Variants in DACH2 observed in about 807,000 individuals in gnomAD.
DACH2 encodes the protein dachshund homolog 2.
Under a neutral mutation model 35.8 loss-of-function variants are expected in DACH2, and 17 were observed. The ratio of observed to expected loss-of-function variants is 0.48; its 90% confidence interval spans 0.33 to 0.71. The LOEUF is 0.71. Among genes scored for constraint, DACH2 ranks in the 30% least tolerant of loss-of-function variants. DACH2 has a pLI of 0.02. For missense variants in DACH2, 469 were observed against 472.7 expected, an observed-to-expected ratio of 0.99 and a Z score of 0.07; for synonymous variants, 195 against 177.3, an observed-to-expected ratio of 1.10 and a Z score of -0.79.
Position 86,611,039 on chromosome X carries a change from C to T in DACH2, c.641-39997C>T, listed in dbSNP as rs906281348. Among the ~76,000 whole-genome samples, 31 of 111,106 alleles carry T rather than the reference C, an allele frequency of 2.8e-4. 1 individual carries two copies. The highest frequency in any genetic ancestry group is 8.8e-4 in the African/African-American group (27 of 30,513). The stretch of plus-strand genomic sequence containing the variant: ...TATGTTGGGTCTCACCTGAAGCCAG[C>T]ACACTACAGAGTCTCACCCAAGGCC... On this transcript the variant is annotated intron_variant, in intron 3 of 11. Coordinates refer to ENST00000373125, the MANE Select transcript of DACH2 (RefSeq NM_053281.3).
chrX:86,286,454 G>T (rs1602357732), intron 1 of DACH2, among the ~76,000 whole-genome samples: 1 of 110,711 alleles, frequency 9.0e-6, no homozygotes, highest in Admixed American at 9.7e-5. Context: ...TACATTCATT[G>T]TTATTATTGT....
At chrX:86,490,378 C>A (rs960435338) in intron 2 of DACH2, among the ~76,000 whole-genome samples, 1 of 111,465 alleles carries the variant, frequency 9.0e-6, no homozygotes, top group African/African-American at 3.3e-5. Context: ...GGGTAAACTT[C>A]CACTACTGAT....
intron 3 of DACH2, among the ~76,000 whole-genome samples, chrX:86,559,799 C>T (rs2039180166): frequency 2.7e-5 from 1 of 36,914 alleles, no homozygotes; most frequent in Non-Finnish European, 4.3e-5. Context: ...CTTGGTAGAT[C>T]TTCCTCCATC....
At chrX:86,566,035 A>T (rs1210050661) in intron 3 of DACH2, among the ~76,000 whole-genome samples, 1 of 111,830 alleles carries the variant, frequency 8.9e-6, no homozygotes, top group East Asian at 2.8e-4. Context: ...TTTAGCTAAC[A>T]CTGTGTGTTA....
At chrX:86,493,664 T>G (rs1210755971) in intron 2 of DACH2, among the ~76,000 whole-genome samples, 1 of 111,566 alleles carries the variant, frequency 9.0e-6, no homozygotes, top group Non-Finnish European at 1.9e-5. Context: ...ACTTCCAATT[T>G]ACAGATTAGG....
intron 2 of DACH2, among the ~76,000 whole-genome samples, chrX:86,436,263 G>A (rs1223411075): frequency 9.1e-6 from 1 of 110,395 alleles, no homozygotes; most frequent in Non-Finnish European, 1.9e-5. Flanking sequence ...AAACTCTTCA[G>A]TAGTGTTCCA....
chrX:86,522,937 G>T (rs2038578475), intron 3 of DACH2, among the ~76,000 whole-genome samples: 1 of 111,780 alleles, frequency 8.9e-6, no homozygotes, highest in African/African-American at 3.2e-5. Flanking sequence ...TTTCCCAAAA[G>T]ATGATGGCTT....
At chrX:86,406,717 G>A (rs183728020) in intron 2 of DACH2, among the ~76,000 whole-genome samples, 24 of 112,099 alleles carry the variant, frequency 2.1e-4, no homozygotes, top group African/African-American at 5.8e-4. Flanking sequence ...TTTGAACTGA[G>A]TGCTGGAAAA....
intron 7 of DACH2, among the ~76,000 whole-genome samples, chrX:86,795,613 G>A (rs2042229035): frequency 8.9e-6 from 1 of 112,516 alleles, no homozygotes; most frequent in Non-Finnish European, 1.9e-5. Context: ...ATGATACTGC[G>A]TCTGGAATTT....
rs1057078823 is a variant in DACH2, at chrX:86,253,602, G to A, written c.488+104494G>A. Reference sequence around the variant, plus strand: ...ATTTTTGACAGAAGGCCTAAATAATGATTTTTATGTCTTCAGGTCAGAAAT... The same window carrying A: ...ATTTTTGACAGAAGGCCTAAATAATAATTTTTATGTCTTCAGGTCAGAAAT... On this transcript the variant is annotated intron_variant, in intron 1 of 11. Transcript: ENST00000373125. 3.6e-5 allele frequency among the ~76,000 whole-genome samples: 4 copies of A among 111,912 alleles called. No homozygotes were observed. In the Admixed American group the frequency reaches 3.8e-4, roughly 11 times the overall value.
At chrX:86,541,393 G>A (rs768311279) in intron 3 of DACH2, among the ~76,000 whole-genome samples, 2 of 110,392 alleles carry the variant, frequency 1.8e-5, no homozygotes, top group South Asian at 7.6e-4. Flanking sequence ...TGTCTAGCAC[G>A]GTATATTTCC....
chrX:86,676,887 C>A (rs1301686760), intron 4 of DACH2, among the ~76,000 whole-genome samples: 1 of 110,949 alleles, frequency 9.0e-6, no homozygotes, highest in Admixed American at 9.7e-5. Context: ...CATCCATCAC[C>A]CCACACTAGA....
At chrX:86,505,157 G>T (rs971321277) in intron 2 of DACH2, among the ~76,000 whole-genome samples, 6 of 111,415 alleles carry the variant, frequency 5.4e-5, no homozygotes, top group African/African-American at 2.0e-4. Context: ...ACTTCATGAT[G>T]TATCCCTCTA....
intron 3 of DACH2, among the ~76,000 whole-genome samples, chrX:86,562,948 C>A (rs907281455): frequency 3.6e-5 from 4 of 111,175 alleles, no homozygotes; most frequent in Non-Finnish European, 5.7e-5. Flanking sequence ...ATAAACATTT[C>A]TCTTTATATT....
At chrX:86,221,249 T>A (rs1042672637) in intron 1 of DACH2, among the ~76,000 whole-genome samples, 4 of 111,907 alleles carry the variant, frequency 3.6e-5, no homozygotes, top group Non-Finnish European at 5.6e-5. Flanking sequence ...TGATGTAAGA[T>A]AAGGATCCAA....
chrX:86,685,123 T>C (rs1416618712), intron 4 of DACH2, among the ~76,000 whole-genome samples: 1 of 111,983 alleles, frequency 8.9e-6, no homozygotes, highest in Non-Finnish European at 1.9e-5. Flanking sequence ...TTTATATCTC[T>C]TCTCCTGTGC....
Position 86,816,060 on chromosome X carries a change from G to T in DACH2, c.1711G>T (p.Glu571Ter). The T allele has an allele frequency of 8.4e-7, 1 of 1,188,427 alleles. No individual in the cohort carries two copies. Among genetic ancestry groups the T allele is most frequent in the South Asian group, 1.9e-5 (1 of 53,502 alleles). Residue 571 changes from glutamate to a stop codon, truncating the protein, a stop_gained, in exon 11 of 12, where the codon GAA becomes TAA. Coordinates refer to ENST00000373125, the MANE Select transcript of DACH2 (RefSeq NM_053281.3). LOFTEE classifies it high-confidence loss of function. ...KDTGIPDIEI[E>*]NNGTPHDSAA... ...TACTGGAATTCCAGATATTGAAATAGAAAACAATGGGACTCCTCATGATAG... is the reference window on the plus strand; with the variant it reads ...TACTGGAATTCCAGATATTGAAATATAAAACAATGGGACTCCTCATGATAG...
chrX:86,336,594 TA>T (rs2035315285), intron 1 of DACH2, among the ~76,000 whole-genome samples: 1 of 111,669 alleles, frequency 9.0e-6, no homozygotes, highest in South Asian at 3.7e-4. Flanking sequence ...AGACCAAATG[TA>T]GATAAATCCA....
rs769286761 is a variant in DACH2, at chrX:86,827,663, T to C, written c.1751-4443T>C. ...GAACATATATAGCACAGCGAAATAC[T>C]ATAAAGTGAGTTTGTGGTTTTCAGT... On this transcript the variant is annotated intron_variant, in intron 11 of 11. Transcript: ENST00000373125. 1.8e-4 allele frequency: 121 copies of C among 669,162 alleles called. No individual in the cohort carries two copies. In the South Asian group the frequency reaches 1.8e-3, roughly 10 times the overall value. The allele number at this position is 669,162 out of a possible 1,213,427, so 55.1% of individuals were successfully genotyped here. A position where few individuals can be genotyped will look rare whatever the true frequency, so the allele number is the denominator to read the frequency against.
Sources: allele counts gnomAD v4.1 joint callset (sites outside exome capture counted in the v4.1 genomes callset), GRCh38; gene constraint gnomAD v4.1.1; transcripts MANE v1.5; gene names NCBI Gene and HGNC (gene_info 2026-07-23, HGNC 2026-07-21).